Variants in CHST11 observed in about 807,000 individuals in gnomAD.
CHST11 encodes the protein carbohydrate sulfotransferase 11.
CHST11 carries 9 observed loss-of-function variants against 30.4 expected under a neutral mutation model. The ratio of observed to expected loss-of-function variants is 0.30; its 90% CI spans 0.18 to 0.52. CHST11 has a LOEUF of 0.52. Ranked by LOEUF, CHST11 falls within the 20% of genes least tolerant of loss-of-function variation. The pLI, the probability that CHST11 is intolerant of heterozygous loss-of-function variation, is 0.97. For missense variants in CHST11, 348 were observed against 460.6 expected, an observed-to-expected ratio of 0.76 and a Z score of 2.24; for synonymous variants, 152 against 187.8, an observed-to-expected ratio of 0.81 and a Z score of 1.56.
chr12:104,738,456 G>A (rs78785377), intron 2 of CHST11, among the ~76,000 whole-genome samples: 1,880 of 152,272 alleles, frequency 0.012, 44 homozygotes, highest in African/African-American at 0.043. Context: ...TGTGCCATGC[G>A]TCCATGGCAC....
In CHST11 at chr12:104,482,173, CT is replaced by C. The variant is rs113614124; in HGVS notation, c.118+24655del. ...TTGCTGATATAAAGAATGTATGGCT[CT>C]TTTTTTTTTTCCTATTCCTCACTAC... is the stretch of plus-strand genomic sequence containing the variant. On this transcript the variant is annotated intron_variant, in intron 1 of 2. Coordinates refer to ENST00000303694, the MANE Select transcript of CHST11 (RefSeq NM_018413.6). Among the ~76,000 whole-genome samples, 113 of 147,364 alleles carry C rather than the reference CT, an allele frequency of 7.7e-4. No homozygotes were observed. In the East Asian group the frequency reaches 1.0e-2, roughly 13 times the overall value.
At chr12:104,577,355 G>A (rs551860372) in intron 1 of CHST11, among the ~76,000 whole-genome samples, 105 of 145,346 alleles carry the variant, frequency 7.2e-4, no homozygotes, top group African/African-American at 2.3e-3. Context: ...GTACATTCAC[G>A]TTGTGTTCAT....
chr12:104,658,347 C>G (rs2039565552), intron 2 of CHST11, among the ~76,000 whole-genome samples: 1 of 152,228 alleles, frequency 6.6e-6, no homozygotes, highest in Non-Finnish European at 1.5e-5. Flanking sequence ...GATGCACCTT[C>G]ATGTTCACAC....
chr12:104,579,914 A>G (rs1190507242), intron 1 of CHST11, among the ~76,000 whole-genome samples: 1 of 152,256 alleles, frequency 6.6e-6, no homozygotes, highest in Non-Finnish European at 1.5e-5. Flanking sequence ...CTTCTGAATC[A>G]TCTGGGTTAA....
At chr12:104,473,969 C>G (rs1455878849) in intron 1 of CHST11, among the ~76,000 whole-genome samples, 1 of 152,054 alleles carries the variant, frequency 6.6e-6, no homozygotes, top group Non-Finnish European at 1.5e-5. Context: ...ACAGGGAGAA[C>G]TCTTCCAAAG....
At chr12:104,704,399 G>C (rs532835372) in intron 2 of CHST11, among the ~76,000 whole-genome samples, 1 of 152,154 alleles carries the variant, frequency 6.6e-6, no homozygotes, top group Admixed American at 6.5e-5. Context: ...TGCGGGAGCC[G>C]GGCAGCAGCC....
At chr12:104,533,637 G>A (rs751353534) in intron 1 of CHST11, among the ~76,000 whole-genome samples, 21 of 152,284 alleles carry the variant, frequency 1.4e-4, no homozygotes, top group East Asian at 3.9e-4. Context: ...AGGATTCTCC[G>A]CGTGATAATG....
At chr12:104,541,213 TGAGA>T (rs1420828631) in intron 1 of CHST11, among the ~76,000 whole-genome samples, 1 of 152,168 alleles carries the variant, frequency 6.6e-6, no homozygotes, top group South Asian at 2.1e-4. Context: ...TGTGATTAAT[TGAGA>T]GTCTTTGGCT....
At chr12:104,506,680 G>A (rs574460945) in intron 1 of CHST11, among the ~76,000 whole-genome samples, 3 of 152,296 alleles carry the variant, frequency 2.0e-5, no homozygotes, top group Non-Finnish European at 2.9e-5. Context: ...TCTGGTGTCC[G>A]ACAGAGATGG....
chr12:104,697,157 G>A (rs1308594773), intron 2 of CHST11, among the ~76,000 whole-genome samples: 1 of 152,224 alleles, frequency 6.6e-6, no homozygotes, highest in Non-Finnish European at 1.5e-5. Context: ...CCCGCCAGCA[G>A]TGGATGGGGA....
intron 2 of CHST11, among the ~76,000 whole-genome samples, chr12:104,667,434 A>C (rs1319569190): frequency 6.6e-6 from 1 of 152,180 alleles, no homozygotes; most frequent in Non-Finnish European, 1.5e-5. Context: ...TCATTGGATG[A>C]CAACATATAT....
chr12:104,596,303 A>G (rs2038906269), intron 1 of CHST11, among the ~76,000 whole-genome samples: 1 of 152,210 alleles, frequency 6.6e-6, no homozygotes, highest in Non-Finnish European at 1.5e-5. Flanking sequence ...AGTGTGGAGC[A>G]GATGAATCAT....
Position 104,632,795 on chromosome 12 carries a change from C to A in CHST11, c.204+30804C>A, listed in dbSNP as rs574045394. ...TCTGCAGGAGGCGCCCACTCGTTCCCGGTCCTCCTCCGGGAGGAGCCCACA... is the reference window on the plus strand; with the variant it reads ...TCTGCAGGAGGCGCCCACTCGTTCCAGGTCCTCCTCCGGGAGGAGCCCACA... On this transcript the variant is annotated intron_variant, in intron 2 of 2. Transcript: ENST00000303694. Among the ~76,000 whole-genome samples the A allele has an allele frequency of 2.0e-5, 3 of 152,302 alleles. No homozygotes were observed. The South Asian group carries it at 6.2e-4, about 32-fold the overall frequency.
chr12:104,532,479 C>T (rs1017710514), intron 1 of CHST11, among the ~76,000 whole-genome samples: 8 of 152,112 alleles, frequency 5.3e-5, no homozygotes, highest in African/African-American at 7.2e-5. Flanking sequence ...AGGAACAGTC[C>T]GATGCAGAGG....
chr12:104,603,502 C>T (rs113571278), intron 2 of CHST11, among the ~76,000 whole-genome samples: 2,896 of 152,276 alleles, frequency 0.019, 101 homozygotes, highest in African/African-American at 0.065. Context: ...ACAGGGCTCT[C>T]AAATACTTGT....
At chr12:104,706,147 G>T (rs1314484999) in intron 2 of CHST11, among the ~76,000 whole-genome samples, 1 of 151,960 alleles carries the variant, frequency 6.6e-6, no homozygotes, top group Non-Finnish European at 1.5e-5. Context: ...ACTTTGGGAG[G>T]CCGAGGCGGG....
At chr12:104,740,445 A>G (rs528337247) in intron 2 of CHST11, among the ~76,000 whole-genome samples, 18 of 152,294 alleles carry the variant, frequency 1.2e-4, no homozygotes, top group African/African-American at 4.1e-4. Flanking sequence ...CTGGGTGGAT[A>G]GAAGGAGAAA....
At chr12:104,591,017 G>C (rs922756153) in intron 1 of CHST11, among the ~76,000 whole-genome samples, 7 of 152,190 alleles carry the variant, frequency 4.6e-5, no homozygotes, top group Admixed American at 3.3e-4. Flanking sequence ...TCTCTCTGGG[G>C]ACCTGATGAT....
chr12:104,663,793 C>T (rs945583915), intron 2 of CHST11, among the ~76,000 whole-genome samples: 2 of 152,140 alleles, frequency 1.3e-5, no homozygotes, highest in African/African-American at 4.8e-5. Context: ...TTCTTTAGCC[C>T]ATTTAAGGTA....
Sources: allele counts gnomAD v4.1 joint callset (sites outside exome capture counted in the v4.1 genomes callset), GRCh38; gene constraint gnomAD v4.1.1; transcripts MANE v1.5; gene names NCBI Gene and HGNC (gene_info 2026-07-23, HGNC 2026-07-21).